The following ARMH3 variants were observed in gnomAD, a reference collection of about 807,000 sequenced individuals.
ARMH3 encodes armadillo-like helical domain-containing protein 3.
Under a neutral mutation model 99.1 loss-of-function variants are expected in ARMH3, and 60 were observed. That is an observed-to-expected ratio of 0.61 (90% CI 0.49 to 0.75). ARMH3 has a LOEUF of 0.75. ARMH3 is among the 30% of genes least tolerant of loss of function. The pLI is 0.00. For missense variants in ARMH3, 679 were observed against 843.1 expected (o/e 0.81, Z 2.41); for synonymous variants, 285 against 292.8 (o/e 0.97, Z 0.27).
At chr10:102,026,662 T>C (rs1205925147) in intron 5 of ARMH3, among the ~76,000 whole-genome samples, 1 of 152,180 alleles carries the variant, frequency 6.6e-6, no homozygotes, top group Non-Finnish European at 1.5e-5. Flanking sequence ...TGGTGAGATA[T>C]AAGCCTGGGG....
chr10:101,874,179 A>T (rs1311361890), intron 24 of ARMH3, among the ~76,000 whole-genome samples: 4 of 152,210 alleles, frequency 2.6e-5, no homozygotes, highest in Non-Finnish European at 5.9e-5. Flanking sequence ...GTGGTATAAG[A>T]GAACATTTTT....
Position 101,847,536 on chromosome 10 carries a change from T to G in ARMH3, c.2062A>C (p.Ile688Leu). The change falls in exon 26 of 26, where the codon ATC becomes CTC. Residue 688 changes from isoleucine (I) to leucine (L), a missense_variant. Transcript: ENST00000370033. ...QEVLLKEFST[I>L]S ...CTCAGGTAGGCGTGGCCTCAGGAGATAGTGGAGAACTCCTTGAGCAGGACT... is the reference window on the plus strand; with the variant it reads ...CTCAGGTAGGCGTGGCCTCAGGAGAGAGTGGAGAACTCCTTGAGCAGGACT... 1 of 1,613,922 alleles carries G rather than the reference T, an allele frequency of 6.2e-7. No individual in the cohort carries two copies.
chr10:101,890,766 T>C (rs1242318824), intron 23 of ARMH3, among the ~76,000 whole-genome samples: 1 of 152,152 alleles, frequency 6.6e-6, no homozygotes, highest in African/African-American at 2.4e-5. Context: ...ATCATGTAGA[T>C]ACCATGTAAC....
chr10:101,956,545 C>T lies in ARMH3; in HGVS notation c.1705+52G>A, dbSNP rs557909251. 6.5e-4 allele frequency: 1,042 copies of T among 1,592,634 alleles called. 18 individuals carry two copies. In the South Asian group the frequency reaches 9.6e-3, roughly 15 times the overall value. ...TTTCGTAGTCTTTTCCTCTTATATG[C>T]CAAAAGCTAGACAAATGGTGGAGAG... On this transcript the variant is annotated intron_variant, in intron 22 of 25. Transcript: ENST00000370033.
chr10:102,014,961 A>G (rs1280838961), intron 8 of ARMH3, among the ~76,000 whole-genome samples: 2 of 152,176 alleles, frequency 1.3e-5, no homozygotes, highest in Non-Finnish European at 2.9e-5. Flanking sequence ...CTCATAACTA[A>G]GAAACTTGAA....
At chr10:102,048,550 C>G (rs1197244781) in intron 1 of ARMH3, among the ~76,000 whole-genome samples, 7 of 152,176 alleles carry the variant, frequency 4.6e-5, no homozygotes, top group African/African-American at 1.7e-4. Flanking sequence ...CCTCAGCCTC[C>G]CAAGTAGCTG....
intron 13 of ARMH3, among the ~76,000 whole-genome samples, chr10:102,008,014 C>G (rs1438348055): frequency 6.6e-6 from 1 of 152,146 alleles, no homozygotes; most frequent in Non-Finnish European, 1.5e-5. Context: ...CCCACATCAG[C>G]TCTTGAGAAT....
intron 19 of ARMH3, among the ~76,000 whole-genome samples, chr10:101,988,617 T>C (rs958946209): frequency 6.6e-5 from 10 of 152,118 alleles, no homozygotes; most frequent in Admixed American, 1.3e-4. Flanking sequence ...CTATATAGTT[T>C]ATAAGCAATC....
intron 23 of ARMH3, among the ~76,000 whole-genome samples, chr10:101,903,135 T>C (rs1444494760): frequency 6.6e-6 from 1 of 152,252 alleles, no homozygotes; most frequent in Admixed American, 6.5e-5. Flanking sequence ...GTTTATGCTA[T>C]AAGCACTGTT....
In ARMH3 at chr10:101,944,350, G is replaced by A. The variant is rs1314898925; in HGVS notation, c.1706-4412C>T. Among the ~76,000 whole-genome samples, 4 of 135,778 alleles carry A rather than the reference G, an allele frequency of 2.9e-5. No individual in the cohort carries two copies. In the East Asian group the frequency reaches 6.4e-4, roughly 22 times the overall value. The allele number at this position is 135,778 out of a possible 152,430, so 89.1% of individuals were successfully genotyped here. Reference sequence around the variant, plus strand: ...GAGAGTCCAAACTGAGAACAGAAGAGCAGGGTCAAAAAATTTGAAGAAATT... The same window carrying A: ...GAGAGTCCAAACTGAGAACAGAAGAACAGGGTCAAAAAATTTGAAGAAATT... On this transcript the variant is annotated intron_variant, in intron 22 of 25. Coordinates refer to ENST00000370033, the MANE Select transcript of ARMH3 (RefSeq NM_024541.3).
intron 23 of ARMH3, among the ~76,000 whole-genome samples, chr10:101,913,839 CA>C (rs925547274): frequency 1.3e-5 from 2 of 152,154 alleles, no homozygotes; most frequent in African/African-American, 4.8e-5. Context: ...GGGTGGTAAG[CA>C]GTGGTCTGTC....
chr10:102,015,426 T>C lies in ARMH3; in HGVS notation c.670-1402A>G, dbSNP rs554561343. 3.3e-5 allele frequency among the ~76,000 whole-genome samples: 5 copies of C among 152,010 alleles called. No individual in the cohort carries two copies. The East Asian group carries it at 9.7e-4, about 29-fold the overall frequency. On this transcript the variant is annotated intron_variant, in intron 8 of 25. Transcript: ENST00000370033. ...TTTTTTTGAGACGGAATTTTGCTCT[T>C]GTTGCCCAGGCTGGAGTGCAATGGC...
At chr10:101,963,676 C>T (rs1006801364) in intron 20 of ARMH3, among the ~76,000 whole-genome samples, 10 of 151,332 alleles carry the variant, frequency 6.6e-5, no homozygotes, top group African/African-American at 2.4e-4. Context: ...CTCGGCTCTC[C>T]GCGACCTCTG....
chr10:101,966,071 A>G (rs1590099463), intron 20 of ARMH3, among the ~76,000 whole-genome samples: 1 of 151,358 alleles, frequency 6.6e-6, no homozygotes, highest in East Asian at 1.9e-4. Flanking sequence ...AGATAGAAGC[A>G]GACAATCTAA....
At chr10:102,000,104 A>G (rs535524981) in intron 15 of ARMH3, among the ~76,000 whole-genome samples, 2 of 152,240 alleles carry the variant, frequency 1.3e-5, no homozygotes. Context: ...ATAAAATAAA[A>G]TAAAATGATT....
intron 20 of ARMH3, among the ~76,000 whole-genome samples, chr10:101,974,003 T>C (rs1454815175): frequency 6.6e-6 from 1 of 152,214 alleles, no homozygotes; most frequent in East Asian, 1.9e-4. Context: ...TGTTGCTACC[T>C]AAGAAATTCT....
Position 101,945,689 on chromosome 10 carries a change from C to G in ARMH3, c.1706-5751G>C, listed in dbSNP as rs527824306. Among the ~76,000 whole-genome samples the G allele has an allele frequency of 9.3e-4, 141 of 151,082 alleles. 1 individual carries two copies. Among genetic ancestry groups the G allele is most frequent in the African/African-American group, 3.4e-3 (138 of 41,098 alleles). On this transcript the variant is annotated intron_variant, in intron 22 of 25. Transcript: ENST00000370033. ...GCTGAGAGCGTGCCTGGGTGACACT[C>G]CAGCCTAGGTGACAGAACGAGACTC...
intron 22 of ARMH3, among the ~76,000 whole-genome samples, chr10:101,943,005 G>C (rs1228361575): frequency 6.6e-6 from 1 of 152,120 alleles, no homozygotes; most frequent in Non-Finnish European, 1.5e-5. Flanking sequence ...ATAGAATTGT[G>C]ATCCCCTAAA....
chr10:102,038,058 T>A (rs1027557933), intron 2 of ARMH3, among the ~76,000 whole-genome samples: 1 of 150,262 alleles, frequency 6.7e-6, no homozygotes, highest in Non-Finnish European at 1.5e-5. Flanking sequence ...AGGAGTTGTA[T>A]ACACCAAGCT....
Sources: allele counts gnomAD v4.1 joint callset (sites outside exome capture counted in the v4.1 genomes callset), GRCh38; gene constraint gnomAD v4.1.1; transcripts MANE v1.5; gene names NCBI Gene and HGNC (gene_info 2026-07-23, HGNC 2026-07-21).